The following RLF variants were observed in gnomAD, a reference collection of about 807,000 sequenced individuals.
RLF encodes zinc finger protein Rlf.
Under a neutral mutation model 162.9 loss-of-function variants are expected in RLF, and 7 were observed. The observed-to-expected ratio is 0.04, with a 90% CI of 0.02 to 0.08. The LOEUF is 0.08. RLF is among the 10% of genes least tolerant of loss of function. The pLI, the probability that RLF is intolerant of heterozygous loss-of-function variation, is 1.00. For synonymous variants in RLF, 782 were observed against 791.5 expected, an observed-to-expected ratio of 0.99 and a Z score of 0.20; for missense variants, 1,664 against 2,244.7, an observed-to-expected ratio of 0.74 and a Z score of 5.23.
intron 3 of RLF, 61 bp from the exon 4 acceptor site, chr1:40,195,571 A>G: frequency 6.8e-7 from 1 of 1,468,754 alleles, no homozygotes; most frequent in South Asian, 1.3e-5. Context: ...GATATGTTGA[A>G]AAGGCAAAAC....
Position 40,235,775 on chromosome 1 carries a change from TC to T in RLF, c.1090-15del. ...TGTATGCAAAAAAATAATTTTTTTA[TC>T]CTCTTTTACTTACAGGCACAAGATG... is the stretch of plus-strand genomic sequence containing the variant. On this transcript the variant is annotated splice_polypyrimidine_tract_variant and intron_variant, in intron 7 of 7. Coordinates refer to ENST00000372771, the MANE Select transcript of RLF (RefSeq NM_012421.4). 2 of 1,482,658 alleles carry T rather than the reference TC, an allele frequency of 1.3e-6. No individual in the cohort carries two copies. The highest frequency in any genetic ancestry group is 2.5e-5 in the Admixed American group (1 of 39,426). The allele number at this position is 1,482,658 out of a possible 1,614,324, so 91.8% of individuals were successfully genotyped here.
intron 5 of RLF, among the ~76,000 whole-genome samples, chr1:40,212,803 T>G (rs1557753157): frequency 6.6e-6 from 1 of 152,170 alleles, no homozygotes; most frequent in East Asian, 1.9e-4. Context: ...ACACAGTCAC[T>G]AGGTATAAAT....
chr1:40,184,754 A>AAAAAG (rs1365244907), intron 1 of RLF, among the ~76,000 whole-genome samples: 1 of 152,180 alleles, frequency 6.6e-6, no homozygotes, highest in Non-Finnish European at 1.5e-5. Flanking sequence ...TAGCCTTTCA[A>AAAAAG]GGGCAGGAAT....
intron 5 of RLF, among the ~76,000 whole-genome samples, chr1:40,208,782 A>C (rs545776125): frequency 6.6e-6 from 1 of 152,192 alleles, no homozygotes; most frequent in South Asian, 2.1e-4. Context: ...ACACCACTGC[A>C]CTGCAGCCTA....
intron 5 of RLF, among the ~76,000 whole-genome samples, chr1:40,220,271 C>A (rs902375192): frequency 1.2e-4 from 19 of 152,152 alleles, no homozygotes; most frequent in Admixed American, 6.5e-5. Flanking sequence ...CCTAGCAACT[C>A]TCAAGAGTTG....
chr1:40,176,722 C>T (rs1642330560), intron 1 of RLF, among the ~76,000 whole-genome samples: 3 of 152,196 alleles, frequency 2.0e-5, no homozygotes, highest in Admixed American at 2.0e-4. Flanking sequence ...GGGTTACAGG[C>T]GTGAGCCAGT....
At chr1:40,168,133 T>TG (rs1251819021) in intron 1 of RLF, among the ~76,000 whole-genome samples, 1 of 152,086 alleles carries the variant, frequency 6.6e-6, no homozygotes, top group African/African-American at 2.4e-5. Flanking sequence ...GAGGATCACT[T>TG]GCGCTCAGGA....
chr1:40,227,859 T>A (rs1234349066), intron 6 of RLF, among the ~76,000 whole-genome samples: 1 of 151,738 alleles, frequency 6.6e-6, no homozygotes, highest in Non-Finnish European at 1.5e-5. Context: ...AAAAAATAGC[T>A]GGGGATGGTG....
intron 1 of RLF, among the ~76,000 whole-genome samples, chr1:40,188,398 G>A (rs1642511561): frequency 6.6e-6 from 1 of 152,088 alleles, no homozygotes; most frequent in Non-Finnish European, 1.5e-5. Flanking sequence ...GAGGAATAGG[G>A]TACCCTGTGT....
Position 40,238,896 on chromosome 1 carries a change from T to C in RLF, c.4194T>C (p.Leu1398=), listed in dbSNP as rs1367837415. 1.9e-6 allele frequency: 3 copies of C among 1,614,100 alleles called. No individual in the cohort carries two copies. The highest frequency in any genetic ancestry group is 1.7e-5 in the Admixed American group (1 of 60,010). The change falls in exon 8 of 8, where the codon CTT becomes CTC. Residue 1398 remains leucine (L), a synonymous_variant. Transcript: ENST00000372771. This position sits in a 1 kb window ranked among gnomAD's most constrained non-coding sequence, Gnocchi z 5.2. ...NLDHIEEPKV[L]SEAGSAARFS... is the part of the protein sequence containing the mutation. ...ACCATATTGAAGAGCCTAAAGTACT[T>C]TCCGAAGCTGGATCTGCAGCAAGGT...
chr1:40,214,936 A>C (rs544755380), intron 5 of RLF, among the ~76,000 whole-genome samples: 18 of 149,712 alleles, frequency 1.2e-4, no homozygotes, highest in Non-Finnish European at 1.8e-4. Context: ...AAAAAAAAAA[A>C]AAAAAAAAAC....
chr1:40,195,939 CTG>C (rs1319132989), intron 4 of RLF, among the ~76,000 whole-genome samples, 175 bp downstream of exon 4: 1 of 152,156 alleles, frequency 6.6e-6, no homozygotes, highest in East Asian at 1.9e-4. Context: ...GATTCTTGCA[CTG>C]TTAGTTTTAA....
chr1:40,203,951 T>A (rs1570542275), intron 5 of RLF, among the ~76,000 whole-genome samples: 1 of 152,200 alleles, frequency 6.6e-6, no homozygotes, highest in East Asian at 1.9e-4. Context: ...CTTATCCCCC[T>A]TATGTATTCA....
chr1:40,231,238 G>A (rs959950135), intron 6 of RLF, among the ~76,000 whole-genome samples: 3 of 152,174 alleles, frequency 2.0e-5, no homozygotes, highest in Admixed American at 6.5e-5. Context: ...AACAACATGG[G>A]ATCTAAATAA....
chr1:40,200,867 TACACACACACACAC>T (rs71060356), intron 4 of RLF, among the ~76,000 whole-genome samples: 822 of 34,800 alleles, frequency 0.024, 8 homozygotes, highest in Non-Finnish European at 0.025. Context: ...ATTGCTACTC[TACACACACACACAC>T]ACACACACAC....
chr1:40,177,710 A>T (rs1642346548), intron 1 of RLF: 1 of 151,744 alleles, frequency 6.6e-6, no homozygotes, highest in Admixed American at 6.6e-5. Flanking sequence ...TCTTCTGGAG[A>T]TTGTATAGTT....
At chr1:40,224,443 A>G (rs1295941597) in intron 6 of RLF, among the ~76,000 whole-genome samples, 1 of 150,402 alleles carries the variant, frequency 6.6e-6, no homozygotes, top group Admixed American at 6.6e-5. Flanking sequence ...CGCCCGACTA[A>G]TTTTTGTATT....
chr1:40,217,014 A>T (rs1642933327), intron 5 of RLF, among the ~76,000 whole-genome samples: 1 of 152,144 alleles, frequency 6.6e-6, no homozygotes, highest in African/African-American at 2.4e-5. Flanking sequence ...GTGCCACTGC[A>T]CTCCAACCTG....
At chr1:40,233,341 G>C (rs1201465727) in intron 7 of RLF, among the ~76,000 whole-genome samples, 4 of 152,102 alleles carry the variant, frequency 2.6e-5, no homozygotes, top group Non-Finnish European at 5.9e-5. Context: ...AATGTTGTTA[G>C]TGATTTTTCA....
Sources: allele counts gnomAD v4.1 joint callset (sites outside exome capture counted in the v4.1 genomes callset), GRCh38; gene constraint gnomAD v4.1.1; non-coding constraint Gnocchi (gnomAD v3.1); transcripts MANE v1.5; gene names NCBI Gene and HGNC (gene_info 2026-07-23, HGNC 2026-07-21).